ZNF600: variants seen among roughly 807,000 people sequenced by gnomAD.
ZNF600 encodes zinc finger protein 600, also known as zinc finger protein KR-ZNF1.
A neutral mutation model predicts 7.3 loss-of-function variants in ZNF600; 4 were observed. The ratio of observed to expected loss-of-function variants is 0.55; its 90% confidence interval spans 0.27 to 1.25. ZNF600 has a LOEUF of 1.25. ZNF600 is among the 50% of genes most tolerant of loss of function. ZNF600 has a pLI of 0.12. For missense variants in ZNF600, 911 were observed against 922.1 expected (o/e 0.99, Z 0.16); for synonymous variants, 290 against 308.9 (o/e 0.94, Z 0.64).
the ZNF600 span, chr19:52,818,076 C>G: frequency 1.3e-6 from 2 of 1,514,994 alleles, no homozygotes; most frequent in Non-Finnish European, 1.8e-6. Flanking sequence ...ATCAACACAT[C>G]CCCTCCCTGT....
At chr19:52,787,928 AC>A (rs527581889), upstream of ZNF600, among the ~76,000 whole-genome samples, 1 of 151,944 alleles carries the variant, frequency 6.6e-6, no homozygotes, top group Non-Finnish European at 1.5e-5. Context: ...TCCAGAATTT[AC>A]CAGATACCAG....
the ZNF600 span, among the ~76,000 whole-genome samples, chr19:52,794,635 A>G: frequency 6.6e-6 from 1 of 152,146 alleles, no homozygotes; most frequent in African/African-American, 2.4e-5. Context: ...TGGGTAGACC[A>G]TTGAGCCCAG....
chr19:52,765,588 T>A, exon 4 of ZNF600: 1 of 1,613,706 alleles, frequency 6.2e-7, no homozygotes, highest in African/African-American at 1.3e-5. Context: ...ATCATTACAT[T>A]AGTCAAGTTT....
the ZNF600 span, among the ~76,000 whole-genome samples, chr19:52,831,755 C>T: frequency 3.3e-5 from 5 of 152,050 alleles, no homozygotes; most frequent in East Asian, 1.9e-4. Flanking sequence ...CTGCCCACCT[C>T]GGCCTCCCAA....
the ZNF600 span, among the ~76,000 whole-genome samples, chr19:52,811,666 G>A: frequency 0.026 from 3,774 of 144,044 alleles, 138 homozygotes; most frequent in South Asian, 0.097. Context: ...CAACCGCCCC[G>A]TCTGAGAAGT....
chr19:52,827,701 C>T, the ZNF600 span, among the ~76,000 whole-genome samples: 11 of 151,632 alleles, frequency 7.3e-5, no homozygotes, highest in South Asian at 4.2e-4. Flanking sequence ...CCCGCCACCA[C>T]GCCTGGCTAA....
intron 1 of ZNF600, among the ~76,000 whole-genome samples, chr19:52,780,158 T>A (rs577698740): frequency 6.6e-6 from 1 of 152,182 alleles, no homozygotes; most frequent in Admixed American, 6.6e-5. Context: ...TTCTTACATA[T>A]ATTGATTGAT....
At chr19:52,811,457 T>G in the ZNF600 span, among the ~76,000 whole-genome samples, 2 of 134,654 alleles carry the variant, frequency 1.5e-5, no homozygotes, top group African/African-American at 3.0e-5. Context: ...GAGCGCCTCT[T>G]CCCCGCCGCC....
the ZNF600 span, chr19:52,798,470 T>C: frequency 2.1e-6 from 1 of 470,996 alleles, no homozygotes; most frequent in South Asian, 1.6e-5. Flanking sequence ...TCTGATGGTC[T>C]GCAAGGAGTG....
the ZNF600 span, among the ~76,000 whole-genome samples, chr19:52,831,474 TA>T: frequency 1.3e-5 from 2 of 151,650 alleles, no homozygotes; most frequent in African/African-American, 4.9e-5. Flanking sequence ...CAGGCCTGGC[TA>T]AAAGTTTGTA....
chr19:52,778,308 C>T (rs1274496284), intron 2 of ZNF600, among the ~76,000 whole-genome samples: 1 of 150,406 alleles, frequency 6.6e-6, no homozygotes, highest in Non-Finnish European at 1.5e-5. Context: ...GCACCTGAAC[C>T]AACATCCTGT....
the ZNF600 span, among the ~76,000 whole-genome samples, chr19:52,809,375 T>C: frequency 0.49 from 74,171 of 152,176 alleles, 20,871 homozygotes; most frequent in Non-Finnish European, 0.66. Context: ...TAGCCATGTT[T>C]ACTAACATGA....
chr19:52,799,376 T>A, the ZNF600 span: 2 of 584,750 alleles, frequency 3.4e-6, no homozygotes, highest in Non-Finnish European at 3.1e-6. Flanking sequence ...CAGCATGCAT[T>A]TTCTTATGTG....
At chr19:52,793,552 G>A in the ZNF600 span, among the ~76,000 whole-genome samples, 13 of 152,186 alleles carry the variant, frequency 8.5e-5, no homozygotes, top group African/African-American at 3.1e-4. Flanking sequence ...GGTAGGAGAT[G>A]AGGTCAGAGA....
At chr19:52,827,352 T>A in the ZNF600 span, among the ~76,000 whole-genome samples, 3 of 151,798 alleles carry the variant, frequency 2.0e-5, no homozygotes, top group Non-Finnish European at 4.4e-5. Flanking sequence ...GCACAAGATA[T>A]CAGTGCACAT....
chr19:52,813,451 G>A, the ZNF600 span, among the ~76,000 whole-genome samples: 3 of 147,064 alleles, frequency 2.0e-5, no homozygotes, highest in African/African-American at 7.8e-5. Flanking sequence ...CTTCGCCCCC[G>A]TAGGGGCTGC....
At chr19:52,765,520 C>G in exon 4 of ZNF600, 1 of 1,608,162 alleles carries the variant, frequency 6.2e-7, no homozygotes, top group South Asian at 1.1e-5. Context: ...GATCTTTATT[C>G]ATTATAGATT....
chr19:52,795,561 T>G, the ZNF600 span, among the ~76,000 whole-genome samples: 2 of 151,974 alleles, frequency 1.3e-5, no homozygotes, highest in Non-Finnish European at 2.9e-5. Context: ...TGAGAAGCAG[T>G]TATTTACTTT....
At chr19:52,786,395 C>T (rs911849373) in intron 1 of ZNF600, among the ~76,000 whole-genome samples, 200 bp downstream of exon 1, 1 of 152,096 alleles carries the variant, frequency 6.6e-6, no homozygotes, top group African/African-American at 2.4e-5. Context: ...TGGGGCGAGG[C>T]TGGGAGGCGC....
Sources: allele counts gnomAD v4.1 joint callset (sites outside exome capture counted in the v4.1 genomes callset), GRCh38; gene constraint gnomAD v4.1.1; transcripts MANE v1.5; gene names NCBI Gene and HGNC (gene_info 2026-07-23, HGNC 2026-07-21).